The following ANKRD30B variants were observed in gnomAD, a reference collection of about 807,000 sequenced individuals.
The protein encoded by ANKRD30B is ankyrin repeat domain-containing protein 30B.
In ANKRD30B, 144 loss-of-function variants were observed where a neutral mutation model predicts 202.2. The ratio of observed to expected loss-of-function variants is 0.71; its 90% CI spans 0.62 to 0.82. ANKRD30B has a LOEUF of 0.82. Among genes scored for constraint, ANKRD30B ranks in the 40% least tolerant of loss-of-function variants. The pLI is 0.00. For missense variants in ANKRD30B, 1,487 were observed against 1,669.1 expected, an observed-to-expected ratio of 0.89 and a Z score of 1.90; for synonymous variants, 508 against 561.3, an observed-to-expected ratio of 0.91 and a Z score of 1.34.
the ANKRD30B span, among the ~76,000 whole-genome samples, chr18:14,900,965 G>A: frequency 1.3e-5 from 2 of 152,136 alleles, no homozygotes; most frequent in Non-Finnish European, 2.9e-5. Flanking sequence ...AATTTTTTAA[G>A]CCAAACTGAA....
rs182400049 is a variant in ANKRD30B at position 14,774,414 on chromosome 18, C to A, written c.1329+2186C>A. 4.5e-4 allele frequency among the ~76,000 whole-genome samples: 68 copies of A among 152,222 alleles called. 1 individual carries two copies. The highest frequency in any genetic ancestry group is 4.2e-3 in the Admixed American group (64 of 15,288). ...ACTTTTTTTCTCACAGAATACATTT[C>A]TTCAGTGTCTGCTTTTTAGAGCATT... On this transcript the variant is annotated intron_variant, in intron 9 of 43. Coordinates refer to ENST00000690538, the MANE Select transcript of ANKRD30B (RefSeq NM_001367607.2).
chr18:14,879,125 C>T, the ANKRD30B span, among the ~76,000 whole-genome samples: 1 of 152,156 alleles, frequency 6.6e-6, no homozygotes, highest in Non-Finnish European at 1.5e-5. Context: ...ACCTTGCGGG[C>T]ACTGCCTCGC....
rs538064414 is a variant in ANKRD30B, at chr18:14,779,943, G to A, written c.1421-17G>A. ...AAGGAATGCTCTCATGAATGTATCT[G>A]TGATTAACATTTTTAGATCAGATGT... On this transcript the variant is annotated splice_polypyrimidine_tract_variant and intron_variant, in intron 10 of 43. Transcript: ENST00000690538. 115 of 1,549,544 alleles carry A rather than the reference G, an allele frequency of 7.4e-5. No homozygotes were observed. The South Asian group carries it at 1.2e-3, about 17-fold the overall frequency.
the ANKRD30B span, among the ~76,000 whole-genome samples, chr18:14,927,728 A>G: frequency 4.6e-5 from 7 of 152,200 alleles, no homozygotes; most frequent in African/African-American, 2.4e-5. Context: ...GGCTCTAACA[A>G]TTCTAAACCT....
intron 28 of ANKRD30B, among the ~76,000 whole-genome samples, chr18:14,811,471 A>G (rs1969919548): frequency 6.6e-6 from 1 of 150,786 alleles, no homozygotes; most frequent in Non-Finnish European, 1.5e-5. Flanking sequence ...TCGGCCTCCT[A>G]AAGTGCTGGG....
intron 5 of ANKRD30B, 97 bp downstream of exon 5, chr18:14,758,049 T>C: frequency 7.2e-7 from 1 of 1,381,194 alleles, no homozygotes; most frequent in Non-Finnish European, 9.7e-7. Context: ...AGCCAGAAAC[T>C]AGGCAAAAAG....
chr18:14,845,373 C>T (rs1420967795), intron 39 of ANKRD30B, among the ~76,000 whole-genome samples: 1 of 152,248 alleles, frequency 6.6e-6, no homozygotes, highest in African/African-American at 2.4e-5. Flanking sequence ...GCTTTTTTTC[C>T]AGTTTTGTCA....
the ANKRD30B span, among the ~76,000 whole-genome samples, chr18:14,915,232 G>A: frequency 6.6e-6 from 1 of 152,210 alleles, no homozygotes; most frequent in Admixed American, 6.5e-5. Flanking sequence ...GGGGCCTGAT[G>A]TGAAAGAGGA....
the ANKRD30B span, among the ~76,000 whole-genome samples, chr18:14,916,097 G>A: frequency 6.6e-6 from 1 of 152,176 alleles, no homozygotes; most frequent in Non-Finnish European, 1.5e-5. Flanking sequence ...GGCTGTATGT[G>A]CTGAGTAAAT....
At chr18:14,757,124 T>C (rs1914494811) in intron 4 of ANKRD30B, among the ~76,000 whole-genome samples, 1 of 152,156 alleles carries the variant, frequency 6.6e-6, no homozygotes. Flanking sequence ...AAGAAAGACA[T>C]CTTTAATTTG....
chr18:14,871,243 C>T, the ANKRD30B span, among the ~76,000 whole-genome samples: 1 of 98,142 alleles, frequency 1.0e-5, no homozygotes, highest in Non-Finnish European at 2.0e-5. Flanking sequence ...TCTAAACCTA[C>T]TGGGTGAGCA....
chr18:14,805,466 C>T (rs971529311), intron 24 of ANKRD30B, among the ~76,000 whole-genome samples: 2 of 150,460 alleles, frequency 1.3e-5, no homozygotes, highest in South Asian at 2.1e-4. Context: ...CTAGAAATTA[C>T]AAAAATGTTG....
Position 14,840,575 on chromosome 18 carries a change from T to C in ANKRD30B, c.2989-13T>C. The C allele has an allele frequency of 8.2e-7, 1 of 1,216,426 alleles. No individual in the cohort carries two copies. The highest frequency in any genetic ancestry group is 1.1e-6 in the Non-Finnish European group (1 of 926,674). 75.4% of individuals were successfully genotyped at this position (1,216,426 alleles called of 1,614,324 possible). On this transcript the variant is annotated splice_polypyrimidine_tract_variant and intron_variant, in intron 36 of 43. Coordinates refer to ENST00000690538, the MANE Select transcript of ANKRD30B (RefSeq NM_001367607.2). ...TAAAAAAAGAAATTATTTATTAATATTATCTTTAACAGATTATCTCTGTGA... is the reference window on the plus strand; with the variant it reads ...TAAAAAAAGAAATTATTTATTAATACTATCTTTAACAGATTATCTCTGTGA...
intron 20 of ANKRD30B, among the ~76,000 whole-genome samples, chr18:14,798,567 C>T (rs1251012694): frequency 1.3e-5 from 2 of 151,882 alleles, no homozygotes; most frequent in Admixed American, 6.5e-5. Flanking sequence ...GGGAGTATGC[C>T]TTAACCCTAA....
chr18:14,893,907 T>C, the ANKRD30B span, among the ~76,000 whole-genome samples: 2 of 150,850 alleles, frequency 1.3e-5, no homozygotes, highest in South Asian at 2.1e-4. Context: ...CATAGATGCA[T>C]CAAATTGTTA....
At chr18:14,845,329 C>T (rs1971587915) in intron 39 of ANKRD30B, among the ~76,000 whole-genome samples, 1 of 152,296 alleles carries the variant, frequency 6.6e-6, no homozygotes, top group Non-Finnish European at 1.5e-5. Flanking sequence ...GTTTTCCCAA[C>T]ATCATTTATT....
chr18:14,894,666 GA>G, the ANKRD30B span, among the ~76,000 whole-genome samples: 1 of 150,920 alleles, frequency 6.6e-6, no homozygotes, highest in African/African-American at 2.4e-5. Context: ...TATCAACAAA[GA>G]AAAAAACATT....
In ANKRD30B at chr18:14,763,715, G is replaced by C. The variant is rs1003132441; in HGVS notation, c.850G>C (p.Ala284Pro). 3 of 1,613,918 alleles carry C rather than the reference G, an allele frequency of 1.9e-6. No individual in the cohort carries two copies. Among genetic ancestry groups the C allele is most frequent in the African/African-American group, 2.7e-5 (2 of 74,920 alleles). Residue 284 changes from alanine to proline, a missense_variant, in exon 7 of 44, where the codon GCT becomes CCT. Coordinates refer to ENST00000690538, the MANE Select transcript of ANKRD30B (RefSeq NM_001367607.2). ...EGTSTGTPDE[A>P]APLAERTPDT... ...AACATCTACAGGAACACCTGATGAG[G>C]CTGCACCCTTGGCGGAAAGAACACC...
intron 4 of ANKRD30B, among the ~76,000 whole-genome samples, chr18:14,755,505 C>G (rs1054066228): frequency 6.6e-6 from 1 of 151,834 alleles, no homozygotes; most frequent in Non-Finnish European, 1.5e-5. Context: ...CCCATTAACT[C>G]GTCATTTAGC....
Sources: allele counts gnomAD v4.1 joint callset (sites outside exome capture counted in the v4.1 genomes callset), GRCh38; gene constraint gnomAD v4.1.1; transcripts MANE v1.5; gene names NCBI Gene and HGNC (gene_info 2026-07-23, HGNC 2026-07-21).